Variants in SPATS2L observed in about 807,000 individuals in gnomAD.
SPATS2L encodes the protein SPATS2-like protein.
In SPATS2L, 30 loss-of-function variants were observed where a neutral mutation model predicts 59.6. That is an observed-to-expected ratio of 0.50 (90% CI 0.38 to 0.68). The LOEUF (loss-of-function observed/expected upper bound fraction) is 0.68. SPATS2L is among the 30% of genes least tolerant of loss of function. The probability of loss-of-function intolerance (pLI) is 0.00; values close to 1 mark genes in which losing one functional copy is unlikely to be tolerated. For missense variants in SPATS2L, 615 were observed against 700.0 expected (o/e 0.88, Z 1.37); for synonymous variants, 252 against 263.5 (o/e 0.96, Z 0.42).
chr2:200,453,303 A>G (rs572141312), intron 8 of SPATS2L, among the ~76,000 whole-genome samples: 4 of 152,360 alleles, frequency 2.6e-5, no homozygotes, highest in Admixed American at 1.3e-4. Flanking sequence ...TAGGGCTGCC[A>G]GGCCTCCTGA....
At chr2:200,447,536 C>G (rs1384921429) in intron 8 of SPATS2L, among the ~76,000 whole-genome samples, 1 of 152,144 alleles carries the variant, frequency 6.6e-6, no homozygotes, top group Non-Finnish European at 1.5e-5. Context: ...AGATCTGTGT[C>G]ACAGAATAGA....
intron 6 of SPATS2L, among the ~76,000 whole-genome samples, chr2:200,421,575 CTTCCAGAAACACA>C (rs2083308056): frequency 6.6e-6 from 1 of 152,214 alleles, no homozygotes; most frequent in Non-Finnish European, 1.5e-5. Flanking sequence ...CACAAATTTT[CTTCCAGAAACACA>C]TTTCCTAACA....
chr2:200,371,979 A>G, intron 2 of SPATS2L: 2 of 968,020 alleles, frequency 2.1e-6, no homozygotes, highest in South Asian at 9.6e-5. Flanking sequence ...CCCTGCCTGC[A>G]GGAAGAAAGG....
chr2:200,308,960 G>T (rs2079111236), intron 1 of SPATS2L: 1 of 706,660 alleles, frequency 1.4e-6, no homozygotes, highest in African/African-American at 1.8e-5. Context: ...ATTGTGGAGA[G>T]AGTTATCTGT....
intron 5 of SPATS2L, among the ~76,000 whole-genome samples, chr2:200,417,350 GT>G (rs373628016): frequency 0.022 from 3,349 of 149,644 alleles, 126 homozygotes; most frequent in African/African-American, 0.077. Context: ...AAAATTATGA[GT>G]TTTTTTTTTA....
chr2:200,468,240 C>T (rs1157357892), intron 10 of SPATS2L, among the ~76,000 whole-genome samples: 2 of 151,706 alleles, frequency 1.3e-5, no homozygotes, highest in African/African-American at 2.4e-5. Flanking sequence ...CATCAGGGTA[C>T]AGTTACCAGA....
intron 3 of SPATS2L, among the ~76,000 whole-genome samples, chr2:200,392,147 G>A (rs2082191316): frequency 6.6e-6 from 1 of 152,112 alleles, no homozygotes; most frequent in Non-Finnish European, 1.5e-5. Context: ...CTTTGGCTGA[G>A]GGCTCTTGGA....
intron 2 of SPATS2L, among the ~76,000 whole-genome samples, chr2:200,371,467 C>T (rs900325927): frequency 1.3e-5 from 2 of 152,158 alleles, no homozygotes; most frequent in Non-Finnish European, 2.9e-5. Flanking sequence ...ACAGAAAAAG[C>T]TCTTTTAGGA....
upstream of SPATS2L, chr2:200,306,519 C>G (rs1015005499): frequency 5.0e-6 from 5 of 1,001,996 alleles, no homozygotes; most frequent in Non-Finnish European, 6.0e-6. Context: ...TGCGTGTGAG[C>G]GGATACAAAA....
rs1308630912 is a variant in SPATS2L, at chr2:200,419,551, A to C, written c.445+55A>C. The C allele has an allele frequency of 2.5e-6, 4 of 1,592,314 alleles. No individual in the cohort carries two copies. In the Admixed American group the frequency reaches 6.9e-5, roughly 27 times the overall value. ...GAAGGCATAGATGAAAAGAGCACAAAGGGAGCTCATTGGGGCTGCTGTTGA... is the reference window on the plus strand; with the variant it reads ...GAAGGCATAGATGAAAAGAGCACAACGGGAGCTCATTGGGGCTGCTGTTGA... On this transcript the variant is annotated intron_variant, in intron 6 of 12. Transcript: ENST00000409140.
intron 2 of SPATS2L, among the ~76,000 whole-genome samples, chr2:200,350,399 A>G (rs990788730): frequency 3.3e-5 from 5 of 152,126 alleles, no homozygotes; most frequent in African/African-American, 1.2e-4. Flanking sequence ...TCACCATCCA[A>G]GCAGGTTTTG....
chr2:200,309,008 A>G lies in SPATS2L; in HGVS notation c.-73+2086A>G. ...CTGCTCTGCCACACCAGTAAGGATC[A>G]GGGAAAGAAAATACTTAGGCCACAC... On this transcript the variant is annotated intron_variant, in intron 1 of 12. Coordinates refer to ENST00000409140, the MANE Select transcript of SPATS2L (RefSeq NM_001100423.2). 1.4e-5 allele frequency: 10 copies of G among 717,570 alleles called. No individual in the cohort carries two copies. In the South Asian group the frequency reaches 1.5e-4, roughly 11 times the overall value. The allele number at this position is 717,570 out of a possible 1,614,324, so 44.5% of individuals were successfully genotyped here.
intron 2 of SPATS2L, among the ~76,000 whole-genome samples, chr2:200,365,285 CACA>C (rs1301737635): frequency 6.6e-6 from 1 of 152,228 alleles, no homozygotes; most frequent in African/African-American, 2.4e-5. Context: ...GGAGCATCAT[CACA>C]ACATCACTAT....
At chr2:200,357,712 G>A (rs776530845) in intron 2 of SPATS2L, among the ~76,000 whole-genome samples, 6 of 152,064 alleles carry the variant, frequency 3.9e-5, no homozygotes, top group Non-Finnish European at 8.8e-5. Flanking sequence ...GAAATGACAA[G>A]TACATTGACT....
intron 1 of SPATS2L, among the ~76,000 whole-genome samples, chr2:200,318,438 CA>C (rs1373284920): frequency 2.0e-5 from 3 of 152,106 alleles, no homozygotes; most frequent in African/African-American, 4.8e-5. Flanking sequence ...TCTACGTCCT[CA>C]AAAATTAGAA....
rs368978476 is a variant in SPATS2L, at chr2:200,430,512, C to T, written c.446-8610C>T. ...TTTATTTCAGAATTTTTAAAATGCA[C>T]AGATATGTAGATTTTTTTTAAATGA... On this transcript the variant is annotated intron_variant, in intron 6 of 12. Coordinates refer to ENST00000409140, the MANE Select transcript of SPATS2L (RefSeq NM_001100423.2). Among the ~76,000 whole-genome samples the T allele has an allele frequency of 1.3e-4, 20 of 151,710 alleles. 1 individual carries two copies. In the South Asian group the frequency reaches 3.1e-3, roughly 24 times the overall value.
intron 11 of SPATS2L, 21 bp from the exon 12 acceptor site, chr2:200,472,811 C>T: frequency 1.2e-6 from 2 of 1,604,686 alleles, no homozygotes; most frequent in East Asian, 2.2e-5. Flanking sequence ...GCTCGTAACA[C>T]TGAGCACTTT....
At chr2:200,355,429 A>C (rs540268546) in intron 2 of SPATS2L, among the ~76,000 whole-genome samples, 1 of 152,376 alleles carries the variant, frequency 6.6e-6, no homozygotes, top group African/African-American at 2.4e-5. Flanking sequence ...GAGACAGATA[A>C]GGAGGACAAG....
At chr2:200,458,545 G>A (rs913514058) in intron 8 of SPATS2L, among the ~76,000 whole-genome samples, 1 of 152,146 alleles carries the variant, frequency 6.6e-6, no homozygotes, top group African/African-American at 2.4e-5. Flanking sequence ...ACACCATGGA[G>A]ATGTAATCAG....
Sources: gnomAD v4.1 joint callset for allele counts (sites outside exome capture counted in the v4.1 genomes callset) on GRCh38, gnomAD v4.1.1 for gene constraint, MANE v1.5 for transcripts, NCBI Gene and HGNC (gene_info 2026-07-23, HGNC 2026-07-21) for gene names.